The following MAP4K4 variants were observed in gnomAD, a reference collection of about 807,000 sequenced individuals.
MAP4K4 encodes mitogen-activated protein kinase kinase kinase kinase 4.
A neutral mutation model predicts 189.6 loss-of-function variants in MAP4K4; 38 were observed. The ratio of observed to expected loss-of-function variants is 0.20; its 90% CI spans 0.15 to 0.26. The LOEUF is 0.26. Among genes scored for constraint, MAP4K4 ranks in the 10% least tolerant of loss-of-function variants. The pLI is 1.00. For synonymous variants in MAP4K4, 610 were observed against 624.3 expected (o/e 0.98, Z 0.34); for missense variants, 1,054 against 1,726.9 (o/e 0.61, Z 6.91).
chr2:101,870,422 G>A lies in MAP4K4; in HGVS notation c.2760+7G>A, dbSNP rs76169061. ...CACTCTAATCGTCCGCCAGGTACCC[G>A]TGTCTTCTCTGTTGTCAGAGGCTGA... On this transcript the variant is annotated splice_region_variant and intron_variant, in intron 23 of 32. Coordinates refer to ENST00000324219, the Ensembl canonical transcript of MAP4K4. 1,327 of 1,613,254 alleles carry A rather than the reference G, an allele frequency of 8.2e-4. 9 individuals are homozygous for A. The African/African-American group carries it at 0.015, about 18-fold the overall frequency.
chr2:101,737,482 T>TGC, intron 2 of MAP4K4, among the ~76,000 whole-genome samples: 2 of 117,962 alleles, frequency 1.7e-5, no homozygotes, highest in African/African-American at 6.1e-5. Context: ...TTTTTTTTTT[T>TGC]TTTTTGCTGT....
chr2:101,743,125 T>C (rs2063576716), intron 2 of MAP4K4, among the ~76,000 whole-genome samples: 1 of 152,152 alleles, frequency 6.6e-6, no homozygotes, highest in African/African-American at 2.4e-5. Context: ...GTTAGGGATG[T>C]GTGAGCAGAA....
chr2:101,752,408 A>G lies in MAP4K4; in HGVS notation c.124-38312A>G, dbSNP rs141129206. On this transcript the variant is annotated intron_variant, in intron 2 of 32. Transcript: ENST00000324219. ...ATATTCTTGTATGAAGGGTGGCATT[A>G]TCTCAATAGAATTGGTTCATTCTTA... Among the ~76,000 whole-genome samples the G allele has an allele frequency of 5.2e-3, 798 of 152,330 alleles. 4 individuals are homozygous for G. Among genetic ancestry groups the G allele is most frequent in the Admixed American group, 7.7e-3 (118 of 15,304 alleles).
At chr2:101,755,929 CTTTTTTTTTTTTTTTTTTTTT>C (rs57392183) in intron 2 of MAP4K4, among the ~76,000 whole-genome samples, 2 of 57,742 alleles carry the variant, frequency 3.5e-5, no homozygotes, top group Non-Finnish European at 6.2e-5. Context: ...AGTTCTTTTT[CTTTTTTTTTTTTTTTTTTTTT>C]TTTTTTTTGA....
chr2:101,888,709 T>A, intron 31 of MAP4K4, 87 bp from the exon 32 acceptor site: 1 of 995,024 alleles, frequency 1.0e-6, no homozygotes, highest in Non-Finnish European at 1.4e-6. Flanking sequence ...TTTAGAAGTA[T>A]AAAAATATAT....
intron 12 of MAP4K4, among the ~76,000 whole-genome samples, chr2:101,850,966 G>A (rs2097264816): frequency 6.6e-6 from 1 of 152,012 alleles, no homozygotes; most frequent in African/African-American, 2.4e-5. Flanking sequence ...GGAAATAGCA[G>A]TCCAAAGAAT....
chr2:101,739,338 G>T (rs899776217), intron 2 of MAP4K4, among the ~76,000 whole-genome samples: 2 of 152,154 alleles, frequency 1.3e-5, no homozygotes, highest in Non-Finnish European at 2.9e-5. Context: ...TCATCTTAGT[G>T]TATAAATGGA....
At chr2:101,866,765 TTATA>T (rs1195078501) in intron 19 of MAP4K4, among the ~76,000 whole-genome samples, 186 bp downstream of exon 19, 2 of 148,006 alleles carry the variant, frequency 1.4e-5, no homozygotes, top group African/African-American at 5.0e-5. Context: ...TTTGAGAGCT[TTATA>T]TATACCTAGC....
chr2:101,731,003 G>A (rs914188440), intron 2 of MAP4K4, among the ~76,000 whole-genome samples: 26 of 151,248 alleles, frequency 1.7e-4, no homozygotes, highest in Non-Finnish European at 3.5e-4. Flanking sequence ...CTGAGATTGC[G>A]CCACTGCACT....
intron 1 of MAP4K4, 22 bp downstream of exon 1, chr2:101,698,159 CGCGCGGGG>C (rs2035345636): frequency 8.7e-7 from 1 of 1,144,002 alleles, no homozygotes. Context: ...CGCGAGCGGG[CGCGCGGGG>C]AGCGGGCAGC....
chr2:101,700,781 G>GTT (rs5832982), intron 2 of MAP4K4, among the ~76,000 whole-genome samples: 2,265 of 140,824 alleles, frequency 0.016, 21 homozygotes, highest in Non-Finnish European at 0.027. Context: ...AGTAAAATGT[G>GTT]TTTTTTTTTT....
At chr2:101,779,375 A>G (rs1321761570) in intron 2 of MAP4K4, among the ~76,000 whole-genome samples, 1 of 152,204 alleles carries the variant, frequency 6.6e-6, no homozygotes, top group Non-Finnish European at 1.5e-5. Context: ...CACTAGATCT[A>G]TTTAAGCCTT....
At position 101,870,286 on chromosome 2, in the gene MAP4K4, TC is replaced by T; in HGVS notation, c.2640-8del. On this transcript the variant is annotated splice_region_variant and splice_polypyrimidine_tract_variant and intron_variant, in intron 22 of 32. Transcript: ENST00000324219. Reference sequence around the variant, plus strand: ...TAAGGCCTTTCACGTCTGGATTTTTTCTCCATAGGTCATCTCTGAATTTGAG... The same window carrying T: ...TAAGGCCTTTCACGTCTGGATTTTTTTCCATAGGTCATCTCTGAATTTGAG... The T allele has an allele frequency of 5.0e-6, 8 of 1,611,852 alleles. No individual in the cohort carries two copies. Among genetic ancestry groups the T allele is most frequent in the Non-Finnish European group, 6.8e-6 (8 of 1,178,878 alleles).
chr2:101,809,485 T>C (rs763698793), intron 3 of MAP4K4, among the ~76,000 whole-genome samples: 1 of 152,206 alleles, frequency 6.6e-6, no homozygotes, highest in Non-Finnish European at 1.5e-5. Context: ...GTCATTGTCT[T>C]TATTATTTTA....
At position 101,892,017 on chromosome 2, in the gene MAP4K4, G is replaced by GA. The variant is rs1190102913; in HGVS notation, c.*779dup. On this transcript the variant is annotated 3_prime_UTR_variant, in exon 33 of 33. Coordinates refer to ENST00000324219, the Ensembl canonical transcript of MAP4K4. Reference sequence around the variant, plus strand: ...AAAAAAAAAAAAAAAAAAAAAAAAGGAAAAAAAAAAAGAAAAAGAAAACGT... The same window carrying GA: ...AAAAAAAAAAAAAAAAAAAAAAAAGGAAAAAAAAAAAAGAAAAAGAAAACGT... 2.5e-3 allele frequency: 249 copies of GA among 98,754 alleles called. 1 individual carries two copies. Among genetic ancestry groups the GA allele is most frequent in the Middle Eastern group, 0.024 (4 of 170 alleles). The allele number at this position is 98,754 out of a possible 1,614,324, so 6.1% of individuals were successfully genotyped here. A position where few individuals can be genotyped will look rare whatever the true frequency, so the allele number is the denominator to read the frequency against.
chr2:101,812,464 G>A (rs764586368), intron 3 of MAP4K4, among the ~76,000 whole-genome samples: 3 of 152,166 alleles, frequency 2.0e-5, no homozygotes, highest in South Asian at 4.1e-4. Flanking sequence ...GCACGCGTGC[G>A]TGTCCCTGGG....
At chr2:101,852,541 A>T (rs1402891136) in intron 12 of MAP4K4, among the ~76,000 whole-genome samples, 1 of 152,096 alleles carries the variant, frequency 6.6e-6, no homozygotes, top group Non-Finnish European at 1.5e-5. Context: ...AAAAAAGAAA[A>T]ACCCTCTCAG....
chr2:101,729,101 A>AGTGTGT (rs57635166), intron 2 of MAP4K4, among the ~76,000 whole-genome samples: 29,974 of 130,404 alleles, frequency 0.23, 3,980 homozygotes, highest in Non-Finnish European at 0.28. Flanking sequence ...AGAGAGAGAG[A>AGTGTGT]GTGTGTGTGT....
At chr2:101,843,384 C>G (rs1003395727) in intron 11 of MAP4K4, among the ~76,000 whole-genome samples, 18 of 152,292 alleles carry the variant, frequency 1.2e-4, no homozygotes, top group Admixed American at 1.1e-3. Flanking sequence ...CATAATCTCT[C>G]TTTCTTCTTA....
Sources: allele counts gnomAD v4.1 joint callset (sites outside exome capture counted in the v4.1 genomes callset), GRCh38; gene constraint gnomAD v4.1.1; transcripts MANE v1.5; gene names NCBI Gene and HGNC (gene_info 2026-07-23, HGNC 2026-07-21).